Variants in PSMD1 observed in about 807,000 individuals in gnomAD.
The protein encoded by PSMD1 is proteasome 26S subunit, non-ATPase 1.
PSMD1 carries 18 observed loss-of-function variants against 119.0 expected under a neutral mutation model. That is an observed-to-expected ratio of 0.15 (90% confidence interval 0.10 to 0.22). The LOEUF is 0.22. Among genes scored for constraint, PSMD1 ranks in the 10% least tolerant of loss-of-function variants. PSMD1 has a pLI of 1.00. For synonymous variants in PSMD1, 374 were observed against 396.6 expected (o/e 0.94, Z 0.68); for missense variants, 702 against 1,158.5 (o/e 0.61, Z 5.72).
chr2:231,082,284 T>C (rs1694327089), intron 12 of PSMD1, among the ~76,000 whole-genome samples: 1 of 152,194 alleles, frequency 6.6e-6, no homozygotes, highest in South Asian at 2.1e-4. Flanking sequence ...CAGGCTGGTC[T>C]CAAACTTCTG....
intron 12 of PSMD1, among the ~76,000 whole-genome samples, chr2:231,081,680 G>A (rs1160936198): frequency 6.6e-6 from 1 of 152,202 alleles, no homozygotes; most frequent in Non-Finnish European, 1.5e-5. Context: ...GTGGGGAGGA[G>A]TATTACCAAA....
rs561897401 is a variant in PSMD1, at chr2:231,096,876, A to T, written c.1883+9695A>T. Among the ~76,000 whole-genome samples the T allele has an allele frequency of 4.6e-5, 7 of 152,344 alleles. No individual in the cohort carries two copies. In the East Asian group the frequency reaches 1.3e-3, roughly 29 times the overall value. ...TGGCGGGAGTCAGGGCAGAGCAGGTAGCAGGTAATTGGAATGAGTTAGGGT... is the reference window on the plus strand; with the variant it reads ...TGGCGGGAGTCAGGGCAGAGCAGGTTGCAGGTAATTGGAATGAGTTAGGGT... On this transcript the variant is annotated intron_variant, in intron 16 of 24. Transcript: ENST00000308696.
intron 18 of PSMD1, among the ~76,000 whole-genome samples, chr2:231,152,835 A>G (rs1696401499): frequency 6.6e-6 from 1 of 152,226 alleles, no homozygotes; most frequent in South Asian, 2.1e-4. Flanking sequence ...GAAGCATAAA[A>G]TAGTTTACTT....
At chr2:231,083,078 G>T (rs1694352598) in intron 13 of PSMD1, 84 bp downstream of exon 13, 1 of 1,049,044 alleles carries the variant, frequency 9.5e-7, no homozygotes, top group Non-Finnish European at 1.4e-6. Flanking sequence ...ATATTTTGTA[G>T]CCTCTTAAAA....
chr2:231,093,945 T>C (rs1293686434), intron 16 of PSMD1, among the ~76,000 whole-genome samples: 4 of 152,178 alleles, frequency 2.6e-5, no homozygotes, highest in Non-Finnish European at 5.9e-5. Context: ...GCCCTATAAA[T>C]GCAAAAGTTA....
At chr2:231,169,391 A>G (rs1313813740) in intron 23 of PSMD1, among the ~76,000 whole-genome samples, 1 of 152,190 alleles carries the variant, frequency 6.6e-6, no homozygotes, top group African/African-American at 2.4e-5. Flanking sequence ...CAGTGGCCCT[A>G]TGCTCCATTC....
At chr2:231,164,781 C>T (rs560867601) in intron 21 of PSMD1, among the ~76,000 whole-genome samples, 1 of 151,886 alleles carries the variant, frequency 6.6e-6, no homozygotes, top group South Asian at 2.1e-4. Context: ...TATCTACAAC[C>T]AGCGCTGAAG....
intron 9 of PSMD1, among the ~76,000 whole-genome samples, chr2:231,078,361 T>C (rs116707117): frequency 1.3e-5 from 2 of 152,278 alleles, no homozygotes; most frequent in African/African-American, 4.8e-5. Flanking sequence ...TTGGGCAAGA[T>C]GGAGAAGAGA....
chr2:231,100,739 C>T (rs1316016577), intron 16 of PSMD1, among the ~76,000 whole-genome samples: 1 of 152,172 alleles, frequency 6.6e-6, no homozygotes, highest in Non-Finnish European at 1.5e-5. Flanking sequence ...AAAACCAAGG[C>T]TCCGCTAGCT....
chr2:231,082,180 A>T (rs1220009871), intron 12 of PSMD1, among the ~76,000 whole-genome samples: 1 of 152,108 alleles, frequency 6.6e-6, no homozygotes, highest in Non-Finnish European at 1.5e-5. Context: ...CTCCCACCTC[A>T]GCCTCCCGAG....
rs534741973 is a variant in PSMD1, at chr2:231,167,318, C to T, written c.2715+1301C>T. ...CCAGAACAGATGTATTAGGACACAA[C>T]TAGAGCATACTCTAAGCACGTGAAA... On this transcript the variant is annotated intron_variant, in intron 23 of 24. Coordinates refer to ENST00000308696, the MANE Select transcript of PSMD1 (RefSeq NM_002807.4). Among the ~76,000 whole-genome samples, 6 of 152,210 alleles carry T rather than the reference C, an allele frequency of 3.9e-5. No individual in the cohort carries two copies. In the East Asian group the frequency reaches 9.6e-4, roughly 24 times the overall value.
intron 3 of PSMD1, 77 bp downstream of exon 3, chr2:231,062,398 T>C (rs1042601077): frequency 1.1e-5 from 16 of 1,519,362 alleles, no homozygotes; most frequent in Middle Eastern, 1.7e-4. Context: ...GCTTATTGAT[T>C]CATTTAGAAA....
chr2:231,123,054 T>C (rs570611965), intron 16 of PSMD1, among the ~76,000 whole-genome samples: 1 of 152,280 alleles, frequency 6.6e-6, no homozygotes, highest in East Asian at 1.9e-4. Context: ...GTCCTAGTTA[T>C]TGCTTTGAGG....
At chr2:231,153,210 CAG>C (rs1381283978) in intron 18 of PSMD1, among the ~76,000 whole-genome samples, 1 of 152,172 alleles carries the variant, frequency 6.6e-6, no homozygotes, top group Non-Finnish European at 1.5e-5. Flanking sequence ...TGGTGGTAAA[CAG>C]AATAGCTATA....
intron 13 of PSMD1, 114 bp from the exon 14 acceptor site, chr2:231,083,453 A>C: frequency 1.8e-6 from 2 of 1,099,900 alleles, no homozygotes. Context: ...AAATGCTATC[A>C]GAAGCTAATG....
chr2:231,079,657 TA>T (rs767890637), intron 11 of PSMD1, 43 bp downstream of exon 11: 1 of 1,292,538 alleles, frequency 7.7e-7, no homozygotes. Flanking sequence ...AGAAAAGAAG[TA>T]ATTTTTCTGG....
At chr2:231,091,051 G>A (rs556688027) in intron 16 of PSMD1, among the ~76,000 whole-genome samples, 4 of 152,320 alleles carry the variant, frequency 2.6e-5, no homozygotes, top group Non-Finnish European at 5.9e-5. Flanking sequence ...GAAGTTCTCA[G>A]ACATGGATAT....
At chr2:231,134,545 T>C (rs963529594) in intron 16 of PSMD1, among the ~76,000 whole-genome samples, 3 of 152,220 alleles carry the variant, frequency 2.0e-5, no homozygotes, top group South Asian at 2.1e-4. Context: ...TTCAGAAAGC[T>C]CTGATTCCTG....
rs1285709399 is a variant in PSMD1 at position 231,165,205 on chromosome 2, T to C, written c.2487T>C (p.Ser829=). ...TACCCTGCTCATTTCCCCAGGTTTC[T>C]ACTGCTGTATTATCTATAACTGCCA... is the stretch of plus-strand genomic sequence containing the variant. ...VPKEKEKEKV[S]TAVLSITAKA... is the part of the protein sequence containing the mutation. Residue 829 remains serine (S), a synonymous_variant, in exon 22 of 25, where the codon TCT becomes TCC. Coordinates refer to ENST00000308696, the MANE Select transcript of PSMD1 (RefSeq NM_002807.4). The C allele has an allele frequency of 1.2e-6, 2 of 1,603,590 alleles. No individual in the cohort carries two copies. Among genetic ancestry groups the C allele is most frequent in the Admixed American group, 3.4e-5 (2 of 59,226 alleles).
Sources: gnomAD v4.1 joint callset for allele counts (sites outside exome capture counted in the v4.1 genomes callset) on GRCh38, gnomAD v4.1.1 for gene constraint, MANE v1.5 for transcripts, NCBI Gene and HGNC (gene_info 2026-07-23, HGNC 2026-07-21) for gene names.